The following SIPA1L3 variants were observed in gnomAD, a reference collection of about 807,000 sequenced individuals.
SIPA1L3 encodes the protein signal-induced proliferation-associated 1-like protein 3.
In SIPA1L3, 59 loss-of-function variants were observed where a neutral mutation model predicts 150.1. That is an observed-to-expected ratio of 0.39 (90% CI 0.32 to 0.49). The LOEUF is 0.49. Among genes scored for constraint, SIPA1L3 ranks in the 20% least tolerant of loss-of-function variants. The pLI, the probability that SIPA1L3 is intolerant of heterozygous loss-of-function variation, is 0.86. For missense variants in SIPA1L3, 2,211 were observed against 2,489.5 expected (o/e 0.89, Z 2.38); for synonymous variants, 1,070 against 1,077.6 (o/e 0.99, Z 0.14).
chr19:38,016,028 C>T (rs745910154), intron 1 of SIPA1L3, among the ~76,000 whole-genome samples: 16 of 152,346 alleles, frequency 1.1e-4, no homozygotes, highest in East Asian at 1.9e-4. Context: ...CAGGCACACA[C>T]GTGGCTCGGA....
intron 3 of SIPA1L3, among the ~76,000 whole-genome samples, chr19:38,087,369 T>TG (rs149115515): frequency 0.014 from 2,090 of 152,324 alleles, 51 homozygotes; most frequent in African/African-American, 0.048. Flanking sequence ...CCCCTGCAGA[T>TG]GCTGTTCTGA....
Position 38,046,022 on chromosome 19 carries a change from C to G in SIPA1L3, c.-311+16866C>G, listed in dbSNP as rs1194573911. ...TTGATGTCCTGACACTCTTCCTCCC[C>G]CAGGACAGTTTGTACCGCTCCAGGG... On this transcript the variant is annotated intron_variant, in intron 2 of 21. Coordinates refer to ENST00000222345, the MANE Select transcript of SIPA1L3 (RefSeq NM_015073.3). The surrounding 1 kb of genome is among the most constrained non-coding windows in gnomAD (Gnocchi z 5.6). Among the ~76,000 whole-genome samples, 2 of 152,152 alleles carry G rather than the reference C, an allele frequency of 1.3e-5. No individual in the cohort carries two copies. The highest frequency in any genetic ancestry group is 3.9e-4 in the East Asian group (2 of 5,188).
intron 1 of SIPA1L3, among the ~76,000 whole-genome samples, chr19:37,994,437 G>A (rs1427114783): frequency 1.3e-5 from 2 of 152,158 alleles, no homozygotes; most frequent in African/African-American, 4.8e-5. Context: ...TTTTTCAGCG[G>A]TGGAAAGGCT....
intron 18 of SIPA1L3, among the ~76,000 whole-genome samples, chr19:38,194,766 G>A (rs938907874): frequency 7.9e-5 from 12 of 152,010 alleles, no homozygotes; most frequent in Non-Finnish European, 1.8e-4. Flanking sequence ...AAACTCCCCT[G>A]CAGGCCGGGC....
intron 1 of SIPA1L3, among the ~76,000 whole-genome samples, chr19:37,954,600 A>G (rs1303056548): frequency 6.6e-6 from 1 of 151,930 alleles, no homozygotes; most frequent in Admixed American, 6.6e-5. Context: ...TTTTCAAGAT[A>G]CTCCTGTATC....
rs1427491755 is a variant in SIPA1L3, at chr19:38,192,190, G to A, written c.4476G>A (p.Leu1492=). The A allele has an allele frequency of 3.1e-6, 5 of 1,612,950 alleles. No homozygotes were observed. In the Admixed American group the frequency reaches 8.4e-5, roughly 27 times the overall value. ...NTKNVFGQPR[L]RASLRDLRSP... is the part of the protein sequence containing the mutation. The stretch of plus-strand genomic sequence containing the variant: ...AAAATGTCTTTGGGCAACCGAGGTT[G>A]AGGGCATCCCTCCGAGACCTCCGGT... The change falls in exon 17 of 22, where the codon TTG becomes TTA. Residue 1492 remains leucine, a synonymous_variant. Transcript: ENST00000222345.
intron 1 of SIPA1L3, among the ~76,000 whole-genome samples, chr19:38,006,844 G>T (rs1281104398): frequency 1.3e-5 from 2 of 152,174 alleles, no homozygotes; most frequent in African/African-American, 4.8e-5. Flanking sequence ...AGTGATCTTT[G>T]TCCAAGGTTA....
At chr19:37,978,265 C>T (rs2145608707) in intron 1 of SIPA1L3, among the ~76,000 whole-genome samples, 1 of 152,288 alleles carries the variant, frequency 6.6e-6, no homozygotes, top group Non-Finnish European at 1.5e-5. Context: ...ATTATGTGGA[C>T]AGTTGGGCGA....
chr19:37,916,958 CAA>C (rs370726629), intron 1 of SIPA1L3, among the ~76,000 whole-genome samples: 6 of 134,020 alleles, frequency 4.5e-5, no homozygotes, highest in African/African-American at 5.7e-5. Context: ...GACTCCTTCT[CAA>C]AAAAAAAAAA....
In SIPA1L3 at chr19:38,081,585, T is replaced by C; in HGVS notation, c.20T>C (p.Ile7Thr). MTTYRA[I>T]PSDGVDLAAS... ...TGGACTATGACCACCTATCGGGCCA[T>C]CCCCAGCGATGGTGTGGACCTGGCA... The change falls in exon 3 of 22, where the codon ATC (isoleucine) becomes ACC (threonine). Residue 7 changes from isoleucine (I) to threonine (T), a missense_variant. Around this residue, in one of 5 missense-constraint regions of SIPA1L3, gnomAD observed 130 missense variants for 174.5 expected, o/e 0.74. Transcript: ENST00000222345. The C allele has an allele frequency of 1.3e-6, 2 of 1,591,978 alleles. No individual in the cohort carries two copies. The highest frequency in any genetic ancestry group is 1.7e-6 in the Non-Finnish European group (2 of 1,165,482).
intron 12 of SIPA1L3, among the ~76,000 whole-genome samples, chr19:38,148,075 G>A (rs900423716): frequency 1.3e-5 from 2 of 151,674 alleles, no homozygotes; most frequent in African/African-American, 4.8e-5. Flanking sequence ...GGAAGGGGCC[G>A]GGCTCGGTGG....
intron 8 of SIPA1L3, among the ~76,000 whole-genome samples, chr19:38,117,311 C>T (rs1434465103): frequency 2.6e-5 from 4 of 152,116 alleles, no homozygotes; most frequent in African/African-American, 4.8e-5. Flanking sequence ...GATCCCAGTC[C>T]GCTCGCTGCT....
chr19:37,950,865 G>A (rs1007580419), intron 1 of SIPA1L3, among the ~76,000 whole-genome samples: 7 of 152,234 alleles, frequency 4.6e-5, no homozygotes, highest in Non-Finnish European at 7.3e-5. Flanking sequence ...TTCCCCAGAC[G>A]GTGATTCTTA....
chr19:37,930,802 A>G (rs950198346), intron 1 of SIPA1L3, among the ~76,000 whole-genome samples: 4 of 152,224 alleles, frequency 2.6e-5, no homozygotes, highest in African/African-American at 7.2e-5. Context: ...CGAATGCATC[A>G]AAGCACGTGA....
chr19:38,142,796 T>C (rs1971622645), intron 12 of SIPA1L3, 86 bp downstream of exon 12: 1 of 1,471,600 alleles, frequency 6.8e-7, no homozygotes, highest in African/African-American at 1.4e-5. Context: ...ACCCCCACAA[T>C]TCTAGTTGCC....
chr19:38,137,047 G>C (rs1971450728), intron 10 of SIPA1L3, among the ~76,000 whole-genome samples: 1 of 152,220 alleles, frequency 6.6e-6, no homozygotes, highest in South Asian at 2.1e-4. Context: ...CCATATTACA[G>C]ATTAGGAAAC....
intron 2 of SIPA1L3, among the ~76,000 whole-genome samples, chr19:38,051,822 C>T (rs894974840): frequency 3.3e-5 from 5 of 152,310 alleles, no homozygotes; most frequent in African/African-American, 9.6e-5. Flanking sequence ...GTCTTGAACT[C>T]CTGGTCTCAA....
intron 1 of SIPA1L3, among the ~76,000 whole-genome samples, chr19:37,925,141 A>G (rs2046491681): frequency 1.3e-5 from 2 of 152,236 alleles, no homozygotes; most frequent in African/African-American, 4.8e-5. Flanking sequence ...TATTTACACC[A>G]ACACCACGAC....
chr19:38,130,446 G>C lies in SIPA1L3; in HGVS notation c.2869-52G>C, dbSNP rs373332256. The C allele has an allele frequency of 4.8e-5, 75 of 1,559,290 alleles. No individual in the cohort carries two copies. The African/African-American group carries it at 7.7e-4, about 16-fold the overall frequency. On this transcript the variant is annotated intron_variant, in intron 9 of 21. Coordinates refer to ENST00000222345, the MANE Select transcript of SIPA1L3 (RefSeq NM_015073.3). ...GGGGAACGTGACCAGGGGTCTTCCA[G>C]AGGAGCTGACCCAAGCAGCTTCTGA...
Sources: gnomAD v4.1 joint callset for allele counts (sites outside exome capture counted in the v4.1 genomes callset) on GRCh38, gnomAD v4.1.1 for gene constraint, gnomAD v4.1.1 regional missense constraint, Gnocchi (gnomAD v3.1) non-coding constraint, MANE v1.5 for transcripts, NCBI Gene and HGNC (gene_info 2026-07-23, HGNC 2026-07-21) for gene names.